Variants in TULP4 observed in about 807,000 individuals in gnomAD.
TULP4 encodes tubby-related protein 4.
In TULP4, 16 loss-of-function variants were observed where a neutral mutation model predicts 129.0. That is an observed-to-expected ratio of 0.12 (90% CI 0.08 to 0.19). TULP4 has a LOEUF of 0.19. Among genes scored for constraint, TULP4 ranks in the 10% least tolerant of loss-of-function variants. The pLI, the probability that TULP4 is intolerant of heterozygous loss-of-function variation, is 1.00. For synonymous variants in TULP4, 998 were observed against 854.0 expected (o/e 1.17, Z -2.94); for missense variants, 1,842 against 2,059.1 (o/e 0.89, Z 2.04).
intron 3 of TULP4, among the ~76,000 whole-genome samples, chr6:158,444,388 C>T (rs922247219): frequency 2.6e-5 from 4 of 151,368 alleles, no homozygotes; most frequent in Non-Finnish European, 4.4e-5. Context: ...GCTAAGGTTA[C>T]TAGGAGGGAT....
intron 4 of TULP4, 84 bp from the exon 5 acceptor site, chr6:158,452,050 G>T: frequency 1.3e-6 from 2 of 1,567,742 alleles, no homozygotes; most frequent in Non-Finnish European, 1.7e-6. Context: ...AATTTCTAAG[G>T]CACCATGCAA....
upstream of TULP4, among the ~76,000 whole-genome samples, chr6:158,308,996 C>T (rs1243747897): frequency 5.4e-5 from 8 of 147,380 alleles, no homozygotes; most frequent in Non-Finnish European, 1.1e-4. Flanking sequence ...ACCCCCCCAC[C>T]TCCCTCCCGG....
intron 2 of TULP4, among the ~76,000 whole-genome samples, chr6:158,426,824 T>C (rs1053663292): frequency 6.6e-6 from 1 of 152,244 alleles, no homozygotes; most frequent in Non-Finnish European, 1.5e-5. Flanking sequence ...ATGGCCCTTT[T>C]AGTGATATTG....
At chr6:158,293,975 C>T (rs1778987155) in intron 1 of TULP4, among the ~76,000 whole-genome samples, 2 of 152,262 alleles carry the variant, frequency 1.3e-5, no homozygotes, top group South Asian at 4.1e-4. Flanking sequence ...TCGGGGCAGC[C>T]ATTAAAACTA....
At chr6:158,424,332 C>T (rs1778425833) in intron 2 of TULP4, among the ~76,000 whole-genome samples, 1 of 152,172 alleles carries the variant, frequency 6.6e-6, no homozygotes, top group African/African-American at 2.4e-5. Flanking sequence ...TCACTGCAAC[C>T]TCCGCCTCCC....
intron 8 of TULP4, among the ~76,000 whole-genome samples, chr6:158,489,096 G>C (rs924138230): frequency 8.5e-5 from 13 of 152,208 alleles, no homozygotes; most frequent in African/African-American, 3.1e-4. Context: ...AATTCCAGGG[G>C]ACTTTCTGAC....
chr6:158,351,867 A>C (rs1780533829), intron 1 of TULP4, among the ~76,000 whole-genome samples: 1 of 151,528 alleles, frequency 6.6e-6, no homozygotes, highest in Non-Finnish European at 1.5e-5. Flanking sequence ...GATTATAGGC[A>C]TGTGCCACCC....
intron 1 of TULP4, among the ~76,000 whole-genome samples, chr6:158,274,886 C>T (rs531472503): frequency 2.0e-4 from 30 of 152,352 alleles, no homozygotes; most frequent in Admixed American, 5.2e-4. Context: ...AAACCCCCAA[C>T]GTCCTGGTCT....
intron 1 of TULP4, among the ~76,000 whole-genome samples, chr6:158,255,461 G>C (rs982486664): frequency 1.3e-5 from 2 of 152,150 alleles, no homozygotes; most frequent in Non-Finnish European, 2.9e-5. Flanking sequence ...GACTGTAGGG[G>C]TGAGCCAGAG....
In TULP4 at chr6:158,503,987, C is replaced by A. The variant is rs1378406034; in HGVS notation, c.4324C>A (p.Leu1442Met). 1 of 1,612,762 alleles carries A rather than the reference C, an allele frequency of 6.2e-7. No homozygotes were observed. Among genetic ancestry groups the A allele is most frequent in the African/African-American group, 1.3e-5 (1 of 74,900 alleles). The change falls in exon 13 of 14, where the codon CTG becomes ATG. Residue 1442 changes from leucine (L) to methionine (M), a missense_variant. Transcript: ENST00000367097. This position sits in a 1 kb window ranked among gnomAD's most constrained non-coding sequence, Gnocchi z 4.3. ...GCGCTCCCCACGGGCCGCCGGCGAG[C>A]TGGAGGAGGCCAAGTGCCGGCGGGC... ...SKRSPRAAGE[L>M]EEAKCRRASE... is the part of the protein sequence containing the mutation.
intron 1 of TULP4, among the ~76,000 whole-genome samples, chr6:158,355,433 T>G (rs1406846282): frequency 1.3e-5 from 2 of 152,064 alleles, no homozygotes; most frequent in African/African-American, 4.8e-5. Context: ...AGGAGAGTGG[T>G]TTGTCCAAGA....
At chr6:158,236,795 C>CTTTTCTTTTTT (rs1554272522) in intron 1 of TULP4, among the ~76,000 whole-genome samples, 27 of 63,300 alleles carry the variant, frequency 4.3e-4, no homozygotes, top group Non-Finnish European at 5.9e-4. Context: ...CAATTCTTTT[C>CTTTTCTTTTTT]TTTTTTTTTT....
At chr6:158,478,711 T>C (rs775548527) in intron 6 of TULP4, among the ~76,000 whole-genome samples, 3 of 152,232 alleles carry the variant, frequency 2.0e-5, no homozygotes, top group Non-Finnish European at 4.4e-5. Context: ...TCCATCTGTC[T>C]GGATCGGAAT....
intron 1 of TULP4, among the ~76,000 whole-genome samples, chr6:158,286,276 A>C (rs751953978): frequency 2.6e-5 from 4 of 152,270 alleles, no homozygotes; most frequent in Non-Finnish European, 5.9e-5. Flanking sequence ...AGATTTATCA[A>C]AATCAATTGT....
chr6:158,404,878 G>C (rs827965), intron 1 of TULP4, among the ~76,000 whole-genome samples: 108,905 of 151,918 alleles, frequency 0.72, 39,704 homozygotes, highest in African/African-American at 0.78. Flanking sequence ...GAGGAATACA[G>C]AGGGCTCTGG....
At chr6:158,295,476 T>TAA (rs146813318) in intron 1 of TULP4, among the ~76,000 whole-genome samples, 17 of 148,268 alleles carry the variant, frequency 1.1e-4, no homozygotes, top group South Asian at 2.1e-4. Flanking sequence ...ATTCTCAAAT[T>TAA]AAAAAAAAAA....
At chr6:158,464,530 T>G (rs1779512910) in intron 6 of TULP4, among the ~76,000 whole-genome samples, 1 of 152,204 alleles carries the variant, frequency 6.6e-6, no homozygotes, top group African/African-American at 2.4e-5. Context: ...TCCCACAGGC[T>G]GGAGTGTAGT....
intron 1 of TULP4, among the ~76,000 whole-genome samples, chr6:158,407,397 C>T (rs1442656530): frequency 6.6e-6 from 1 of 152,228 alleles, no homozygotes; most frequent in Non-Finnish European, 1.5e-5. Flanking sequence ...CTGGGAACCT[C>T]AGCCATTGCT....
At chr6:158,432,690 G>A (rs775921522) in intron 3 of TULP4, among the ~76,000 whole-genome samples, 19 of 152,290 alleles carry the variant, frequency 1.2e-4, no homozygotes, top group Non-Finnish European at 2.4e-4. Flanking sequence ...GTGAAACCCC[G>A]TCTGTACTAA....
Sources: gnomAD v4.1 joint callset for allele counts (sites outside exome capture counted in the v4.1 genomes callset) on GRCh38, gnomAD v4.1.1 for gene constraint, Gnocchi (gnomAD v3.1) non-coding constraint, MANE v1.5 for transcripts, NCBI Gene and HGNC (gene_info 2026-07-23, HGNC 2026-07-21) for gene names.